Variants in CENPS observed in about 807,000 individuals in gnomAD.
The protein encoded by CENPS is centromere protein S.
Under a neutral mutation model 17.9 loss-of-function variants are expected in CENPS, and 16 were observed. The observed-to-expected ratio is 0.90, with a 90% CI of 0.61 to 1.36. The LOEUF (loss-of-function observed/expected upper bound fraction) is 1.36, where lower values mean the gene tolerates loss of function less well. Among genes scored for constraint, CENPS ranks in the 40% most tolerant of loss-of-function variants. CENPS has a pLI of 0.00. For missense variants in CENPS, 160 were observed against 158.6 expected (o/e 1.01, Z -0.05); for synonymous variants, 49 against 55.8 (o/e 0.88, Z 0.54).
intron 1 of CENPS, chr1:10,430,970 C>T: frequency 7.9e-7 from 1 of 1,263,084 alleles, no homozygotes; most frequent in South Asian, 1.9e-5. Flanking sequence ...GGAACGCTGG[C>T]CCTGGAGGCG....
chr1:10,440,756 C>T (rs552548019), intron 4 of CENPS, among the ~76,000 whole-genome samples: 5 of 152,188 alleles, frequency 3.3e-5, no homozygotes, highest in South Asian at 4.1e-4. Context: ...CACAGTTCTC[C>T]GAATAGGCCA....
At chr1:10,433,813 C>T (rs1640029660) in intron 1 of CENPS, 29 bp from the exon 2 acceptor site, 2 of 1,613,568 alleles carry the variant, frequency 1.2e-6, no homozygotes, top group Non-Finnish European at 1.7e-6. Flanking sequence ...GCAGCCTTAC[C>T]CGTGAAATAT....
intron 3 of CENPS, among the ~76,000 whole-genome samples, chr1:10,436,035 T>C (rs561552329): frequency 2.0e-5 from 3 of 151,234 alleles, no homozygotes; most frequent in Admixed American, 2.0e-4. Context: ...GGGAGTGCAG[T>C]GGTGCAATCT....
intron 4 of CENPS, 143 bp downstream of exon 4, chr1:10,440,556 A>G: frequency 9.0e-7 from 1 of 1,108,840 alleles, no homozygotes; most frequent in East Asian, 2.9e-5. Context: ...CCTGCCTGTA[A>G]TTTACAGTCT....
chr1:10,438,944 C>T (rs752218322), intron 3 of CENPS, among the ~76,000 whole-genome samples: 4 of 152,162 alleles, frequency 2.6e-5, no homozygotes, highest in Admixed American at 1.3e-4. Flanking sequence ...CCACCCAGAA[C>T]GTCTGTGGAC....
chr1:10,442,081 TAAAAAA>T (rs1047791406), intron 4 of CENPS, among the ~76,000 whole-genome samples, 178 bp from the exon 5 acceptor site: 1 of 136,406 alleles, frequency 7.3e-6, no homozygotes, highest in African/African-American at 2.5e-5. Flanking sequence ...ACAAAAAATT[TAAAAAA>T]AAAGAAAAAA....
intron 2 of CENPS, 92 bp from the exon 3 acceptor site, chr1:10,434,565 G>C (rs938422376): frequency 3.2e-6 from 5 of 1,575,812 alleles, no homozygotes; most frequent in Non-Finnish European, 2.6e-6. Flanking sequence ...TCAAGTCACT[G>C]TACTGGCTGT....
chr1:10,434,626 C>G, intron 2 of CENPS, 31 bp from the exon 3 acceptor site: 2 of 1,604,542 alleles, frequency 1.2e-6, no homozygotes, highest in Non-Finnish European at 1.7e-6. Flanking sequence ...GGGAGGGTGC[C>G]TAAAGTGTGT....
intron 3 of CENPS, among the ~76,000 whole-genome samples, chr1:10,438,558 T>C (rs1640274480): frequency 6.6e-6 from 1 of 152,226 alleles, no homozygotes; most frequent in Non-Finnish European, 1.5e-5. Context: ...TGGAAACTTT[T>C]GGGAATCGTC....
intron 4 of CENPS, among the ~76,000 whole-genome samples, chr1:10,441,313 C>CT (rs747986112): frequency 0.092 from 10,092 of 109,474 alleles, 713 homozygotes; most frequent in South Asian, 0.18. Flanking sequence ...TGTGCCACAA[C>CT]TTTTTTTTTT....
At chr1:10,431,880 C>A (rs565423023) in intron 1 of CENPS, among the ~76,000 whole-genome samples, 9 of 149,534 alleles carry the variant, frequency 6.0e-5, no homozygotes, top group African/African-American at 2.2e-4. Flanking sequence ...AAGGCATTCT[C>A]CTACTACATC....
At chr1:10,431,271 G>C in intron 1 of CENPS, 1 of 1,535,050 alleles carries the variant, frequency 6.5e-7, no homozygotes, top group South Asian at 1.2e-5. Context: ...TAAAGAGGAC[G>C]GACTGAAGAA....
At chr1:10,432,075 G>GT (rs1295230705) in intron 1 of CENPS, among the ~76,000 whole-genome samples, 28 of 149,804 alleles carry the variant, frequency 1.9e-4, no homozygotes, top group South Asian at 8.5e-4. Flanking sequence ...TGCCTACCCT[G>GT]TTTTTTTTTG....
rs1481781616 is a variant in CENPS, at chr1:10,433,944, G to C, written c.154G>C (p.Glu52Gln). The change falls in exon 2 of 5, where the codon GAG (glutamate) becomes CAG (glutamine). Residue 52 changes from glutamate to glutamine, a missense_variant. Transcript: ENST00000309048. ...CAAACAGACCATTGCGGCCATTTCG[G>C]AGCTGACTTTCCGACAGTGTGGTAT... ...FSKQTIAAIS[E>Q]LTFRQCENFA... 1 of 1,614,070 alleles carries C rather than the reference G, an allele frequency of 6.2e-7. No homozygotes were observed. The highest frequency in any genetic ancestry group is 1.3e-5 in the African/African-American group (1 of 74,924).
intron 1 of CENPS, among the ~76,000 whole-genome samples, chr1:10,432,764 G>T (rs1039645159): frequency 6.6e-6 from 1 of 152,154 alleles, no homozygotes; most frequent in African/African-American, 2.4e-5. Context: ...GCAGGGTGTT[G>T]TGGGCCTGTA....
chr1:10,431,185 G>A, intron 1 of CENPS: 1 of 1,483,268 alleles, frequency 6.7e-7, no homozygotes, highest in Admixed American at 2.3e-5. Flanking sequence ...TTTCATCAGC[G>A]CCGGGCATAT....
intron 3 of CENPS, 31 bp downstream of exon 3, chr1:10,434,721 C>T (rs781775902): frequency 3.0e-5 from 47 of 1,579,266 alleles, no homozygotes; most frequent in Non-Finnish European, 3.8e-5. Context: ...TCCGACACTG[C>T]GTCTGTGTAG....
rs781597483 is a variant in CENPS at position 10,433,985 on chromosome 1, C to G, written c.175+20C>G. The G allele has an allele frequency of 6.8e-6, 11 of 1,613,896 alleles. No individual in the cohort carries two copies. The highest frequency in any genetic ancestry group is 9.3e-6 in the Non-Finnish European group (11 of 1,179,918). On this transcript the variant is annotated intron_variant, in intron 2 of 4. Coordinates refer to ENST00000309048, the MANE Select transcript of CENPS (RefSeq NM_199294.3). ...AGTGTGGTATGAAGCTTCGGCCTCCCCAGCCATGTCTGTAAACCCCAAAGG... is the reference window on the plus strand; with the variant it reads ...AGTGTGGTATGAAGCTTCGGCCTCCGCAGCCATGTCTGTAAACCCCAAAGG...
At chr1:10,433,338 G>A (rs999051659) in intron 1 of CENPS, among the ~76,000 whole-genome samples, 1 of 152,220 alleles carries the variant, frequency 6.6e-6, no homozygotes, top group South Asian at 2.1e-4. Flanking sequence ...GCCCTCTTGA[G>A]CCTTTCCCGT....
Sources: allele counts gnomAD v4.1 joint callset (sites outside exome capture counted in the v4.1 genomes callset), GRCh38; gene constraint gnomAD v4.1.1; transcripts MANE v1.5; gene names NCBI Gene and HGNC (gene_info 2026-07-23, HGNC 2026-07-21).